Variants in CTNNA3 observed in about 807,000 individuals in gnomAD.
CTNNA3 encodes catenin alpha-3.
A neutral mutation model predicts 95.7 loss-of-function variants in CTNNA3; 76 were observed. The observed-to-expected ratio is 0.79, with a 90% CI of 0.66 to 0.96. CTNNA3 has a LOEUF of 0.96. Among genes scored for constraint, CTNNA3 ranks in the 40% least tolerant of loss-of-function variants. The probability of loss-of-function intolerance (pLI) is 0.00; values close to 1 mark genes in which losing one functional copy is unlikely to be tolerated. For synonymous variants in CTNNA3, 431 were observed against 374.4 expected (o/e 1.15, Z -1.74); for missense variants, 1,191 against 1,089.8 (o/e 1.09, Z -1.31).
At chr10:66,010,049 G>C (rs1461153151) in intron 15 of CTNNA3, among the ~76,000 whole-genome samples, 1 of 152,154 alleles carries the variant, frequency 6.6e-6, no homozygotes, top group Non-Finnish European at 1.5e-5. Context: ...GAAGAAAAAG[G>C]TATTCATTTT....
chr10:67,427,255 AGAGTG>A (rs1000683494), intron 5 of CTNNA3, among the ~76,000 whole-genome samples: 13 of 151,978 alleles, frequency 8.6e-5, no homozygotes, highest in African/African-American at 2.9e-4. Flanking sequence ...CTCACTCCCA[AGAGTG>A]AGGAGATCTG....
At chr10:67,562,607 C>T (rs558379805) in intron 3 of CTNNA3, among the ~76,000 whole-genome samples, 18 of 152,296 alleles carry the variant, frequency 1.2e-4, no homozygotes, top group African/African-American at 4.3e-4. Flanking sequence ...CTCACCACTC[C>T]TATTCAACAT....
intron 13 of CTNNA3, among the ~76,000 whole-genome samples, chr10:66,237,692 A>G (rs892033097): frequency 6.6e-6 from 1 of 152,126 alleles, no homozygotes; most frequent in African/African-American, 2.4e-5. Flanking sequence ...ATGGCAGCAA[A>G]TAAACCAATC....
At chr10:66,476,878 G>C (rs895905760) in intron 11 of CTNNA3, among the ~76,000 whole-genome samples, 12 of 152,060 alleles carry the variant, frequency 7.9e-5, no homozygotes, top group Admixed American at 3.9e-4. Flanking sequence ...TTTGTGTTTG[G>C]TGTCAAATTA....
intron 7 of CTNNA3, among the ~76,000 whole-genome samples, chr10:67,171,632 G>A (rs1183484585): frequency 1.3e-5 from 2 of 151,732 alleles, no homozygotes; most frequent in African/African-American, 4.8e-5. Context: ...CACACCCGTA[G>A]TCCCAGCTAT....
chr10:66,997,262 T>A (rs1333444366), intron 7 of CTNNA3, among the ~76,000 whole-genome samples: 2 of 152,150 alleles, frequency 1.3e-5, no homozygotes, highest in Admixed American at 6.6e-5. Context: ...CTTATAAAAA[T>A]GAATGTGACT....
chr10:67,638,265 G>A (rs1564800428), intron 2 of CTNNA3, among the ~76,000 whole-genome samples: 1 of 152,138 alleles, frequency 6.6e-6, no homozygotes, highest in Non-Finnish European at 1.5e-5. Context: ...AACAGACAAA[G>A]AAGGCCATTA....
chr10:67,588,666 G>C (rs1842707109), intron 3 of CTNNA3, among the ~76,000 whole-genome samples: 1 of 151,918 alleles, frequency 6.6e-6, no homozygotes. Context: ...TCTCTGAGTA[G>C]TATACAAAAA....
chr10:65,974,513 T>A (rs1490517178), intron 16 of CTNNA3, among the ~76,000 whole-genome samples: 1 of 152,116 alleles, frequency 6.6e-6, no homozygotes, highest in African/African-American at 2.4e-5. Context: ...TACCATATGT[T>A]CTTACATACA....
At chr10:67,732,338 T>C (rs1841280056) in intron 1 of CTNNA3, among the ~76,000 whole-genome samples, 1 of 152,166 alleles carries the variant, frequency 6.6e-6, no homozygotes, top group African/African-American at 2.4e-5. Flanking sequence ...ATGTATTCAG[T>C]TAAAATCTTA....
intron 13 of CTNNA3, among the ~76,000 whole-genome samples, chr10:66,172,116 T>A (rs1357252765): frequency 2.0e-5 from 3 of 150,146 alleles, no homozygotes; most frequent in Non-Finnish European, 2.9e-5. Context: ...GTATCCCTTA[T>A]GAGATGAAAA....
Position 67,121,981 on chromosome 10 carries a change from CAAAAA to C in CTNNA3, c.1047+58331_1047+58335del, listed in dbSNP as rs370358378. The stretch of plus-strand genomic sequence containing the variant: ...CGCTCTTAGCCAACATTATTCTGAG[CAAAAA>C]AAAAAAAAAAAAAAAAAAAAAAGCT... On this transcript the variant is annotated intron_variant, in intron 7 of 17. Coordinates refer to ENST00000433211, the MANE Select transcript of CTNNA3 (RefSeq NM_013266.4). Among the ~76,000 whole-genome samples, 855 of 47,040 alleles carry C rather than the reference CAAAAA, an allele frequency of 0.018. 18 individuals carry two copies. In the East Asian group the frequency reaches 0.26, roughly 14 times the overall value. The allele number at this position is 47,040 out of a possible 152,430, so 30.9% of individuals were successfully genotyped here.
intron 11 of CTNNA3, among the ~76,000 whole-genome samples, chr10:66,381,556 T>C (rs927012670): frequency 1.3e-5 from 2 of 151,866 alleles, no homozygotes; most frequent in Non-Finnish European, 2.9e-5. Context: ...AGAATGCTTG[T>C]TGAATGAATG....
chr10:65,922,551 A>C (rs2077104679), intron 17 of CTNNA3, among the ~76,000 whole-genome samples: 2 of 152,222 alleles, frequency 1.3e-5, no homozygotes, highest in Admixed American at 6.5e-5. Flanking sequence ...ACCATAAACA[A>C]ATCACATTAT....
intron 10 of CTNNA3, among the ~76,000 whole-genome samples, chr10:66,592,876 G>A (rs1246732777): frequency 6.6e-6 from 1 of 152,100 alleles, no homozygotes; most frequent in African/African-American, 2.4e-5. Flanking sequence ...GAGGTAGGAG[G>A]TAAGCTACTG....
intron 10 of CTNNA3, among the ~76,000 whole-genome samples, chr10:66,539,112 C>T (rs913861454): frequency 3.9e-5 from 6 of 152,058 alleles, no homozygotes; most frequent in Non-Finnish European, 4.4e-5. Flanking sequence ...CTGACTAATA[C>T]GACATTGGAA....
intron 7 of CTNNA3, among the ~76,000 whole-genome samples, chr10:66,978,960 C>CTTTTTT (rs34112681): frequency 1.2e-4 from 10 of 83,790 alleles, no homozygotes; most frequent in Non-Finnish European, 1.5e-4. Flanking sequence ...TACTTATTTC[C>CTTTTTT]TTTTTTTTTT....
intron 15 of CTNNA3, among the ~76,000 whole-genome samples, chr10:66,012,528 A>G (rs1293510148): frequency 1.3e-5 from 2 of 152,238 alleles, no homozygotes; most frequent in Non-Finnish European, 2.9e-5. Context: ...ATATTAAAAG[A>G]TAAAACTAAG....
At chr10:65,987,985 TG>T (rs2078462549) in intron 16 of CTNNA3, among the ~76,000 whole-genome samples, 4 of 152,006 alleles carry the variant, frequency 2.6e-5, no homozygotes, top group Admixed American at 6.6e-5. Flanking sequence ...TAAAAGTTGA[TG>T]ACACAGAATT....
Sources: allele counts gnomAD v4.1 joint callset (sites outside exome capture counted in the v4.1 genomes callset), GRCh38; gene constraint gnomAD v4.1.1; transcripts MANE v1.5; gene names NCBI Gene and HGNC (gene_info 2026-07-23, HGNC 2026-07-21).